COL8A2: variants seen among roughly 807,000 people sequenced by gnomAD.
COL8A2 encodes collagen alpha-2(VIII) chain.
In COL8A2, 16 loss-of-function variants were observed where a neutral mutation model predicts 24.0. The observed-to-expected ratio is 0.67, with a 90% CI of 0.45 to 1.01. The LOEUF is 1.01. COL8A2 is among the 50% of genes least tolerant of loss of function. The pLI is 0.00. For synonymous variants in COL8A2, 466 were observed against 424.5 expected, an observed-to-expected ratio of 1.10 and a Z score of -1.20; for missense variants, 818 against 942.4, an observed-to-expected ratio of 0.87 and a Z score of 1.73.
rs1405349717 is a variant in COL8A2, at chr1:36,096,210, T to G, written c.*1359A>C. On this transcript the variant is annotated 3_prime_UTR_variant, in exon 4 of 4. Coordinates refer to ENST00000397799, the MANE Select transcript of COL8A2 (RefSeq NM_005202.4). Reference sequence around the variant, plus strand: ...GTGGCCATCTTTGCACGAGCAGGAATGTCCACCACTCCCAGCACTCATCTC... The same window carrying G: ...GTGGCCATCTTTGCACGAGCAGGAAGGTCCACCACTCCCAGCACTCATCTC... 1 of 152,318 alleles carries G rather than the reference T, an allele frequency of 6.6e-6. No homozygotes were observed. Among genetic ancestry groups the G allele is most frequent in the Non-Finnish European group, 1.5e-5 (1 of 68,104 alleles). 9.4% of individuals were successfully genotyped at this position (152,318 alleles called of 1,614,324 possible). A position where few individuals can be genotyped will look rare whatever the true frequency, so the allele number is the denominator to read the frequency against.
Position 36,097,244 on chromosome 1 carries a change from C to A in COL8A2, c.*325G>T, listed in dbSNP as rs911346165. 9 of 258,828 alleles carry A rather than the reference C, an allele frequency of 3.5e-5. No homozygotes were observed. Among genetic ancestry groups the A allele is most frequent in the Non-Finnish European group, 6.7e-5 (9 of 134,296 alleles). The allele number at this position is 258,828 out of a possible 1,614,324, so 16.0% of individuals were successfully genotyped here. ...TGGGAAGGGCTGTCTCCCCACGTGGCGGGGTGGGGAGTTGAGCTCCCTCTC... is the reference window on the plus strand; with the variant it reads ...TGGGAAGGGCTGTCTCCCCACGTGGAGGGGTGGGGAGTTGAGCTCCCTCTC... On this transcript the variant is annotated 3_prime_UTR_variant, in exon 4 of 4. Coordinates refer to ENST00000397799, the MANE Select transcript of COL8A2 (RefSeq NM_005202.4).
intron 2 of COL8A2, among the ~76,000 whole-genome samples, chr1:36,104,169 G>C (rs1643721739): frequency 7.5e-6 from 1 of 133,864 alleles, no homozygotes; most frequent in East Asian, 2.0e-4. Flanking sequence ...ACTCCAACCT[G>C]GGCAACAAGA....
At chr1:36,114,180 G>A (rs1481036969) in intron 2 of COL8A2, among the ~76,000 whole-genome samples, 2 of 152,036 alleles carry the variant, frequency 1.3e-5, no homozygotes, top group East Asian at 1.9e-4. Flanking sequence ...TTAGCTGGGC[G>A]TGGTAGAGGG....
intron 2 of COL8A2, among the ~76,000 whole-genome samples, chr1:36,110,960 G>T (rs1446815307): frequency 6.6e-6 from 1 of 152,122 alleles, no homozygotes; most frequent in Non-Finnish European, 1.5e-5. Context: ...ATGACACCCA[G>T]CCCAACTGCC....
chr1:36,106,433 C>T (rs571656684), intron 2 of COL8A2, among the ~76,000 whole-genome samples: 1 of 152,244 alleles, frequency 6.6e-6, no homozygotes, highest in South Asian at 2.1e-4. Flanking sequence ...CCTGCACTGG[C>T]CACCTGAGCT....
Position 36,099,741 on chromosome 1 carries a change from CCT to C in COL8A2, c.194-256_194-255del, listed in dbSNP as rs757253786. On this transcript the variant is annotated intron_variant, in intron 3 of 3. Coordinates refer to ENST00000397799, the MANE Select transcript of COL8A2 (RefSeq NM_005202.4). ...CCTCCATGAGCCTGGCTGATTCTCA[CCT>C]CTCATCCCTGCATGACCTGAAGGTG... 1.1e-4 allele frequency among the ~76,000 whole-genome samples: 16 copies of C among 152,270 alleles called. No individual in the cohort carries two copies. The East Asian group carries it at 1.6e-3, about 15-fold the overall frequency.
intron 1 of COL8A2, among the ~76,000 whole-genome samples, chr1:36,116,937 A>G (rs1241797781): frequency 6.6e-6 from 1 of 152,170 alleles, no homozygotes; most frequent in East Asian, 1.9e-4. Context: ...GGATCTAACA[A>G]AAGTCGTAGT....
chr1:36,098,929 T>G lies in COL8A2; in HGVS notation c.752A>C (p.Lys251Thr). The change falls in exon 4 of 4, where the codon AAG (lysine) becomes ACG (threonine). Residue 251 changes from lysine to threonine, a missense_variant. This residue lies in a region of COL8A2 where 573 missense variants were observed against 616.8 expected (regional missense o/e 0.93). Transcript: ENST00000397799. ...LDGLPGAPGDKGESGPPGVPG... is the reference protein window; with the variant it reads ...LDGLPGAPGDTGESGPPGVPG... ...AACTCCAGGAGGCCCAGACTCACCC[T>G]TGTCTCCTGGGGCCCCAGGAAGCCC... 1 of 1,610,812 alleles carries G rather than the reference T, an allele frequency of 6.2e-7. No homozygotes were observed. The highest frequency in any genetic ancestry group is 1.7e-5 in the Admixed American group (1 of 59,930).
At chr1:36,109,101 C>A (rs555620308) in intron 2 of COL8A2, among the ~76,000 whole-genome samples, 280 of 152,334 alleles carry the variant, frequency 1.8e-3, no homozygotes, top group Non-Finnish European at 2.0e-3. Flanking sequence ...CCAAGCCCCC[C>A]ACCCACCCCA....
In COL8A2 at chr1:36,096,661, C is replaced by T. The variant is rs1189895592; in HGVS notation, c.*908G>A. 6.6e-6 allele frequency: 1 copy of T among 152,354 alleles called. No homozygotes were observed. The highest frequency in any genetic ancestry group is 2.4e-5 in the African/African-American group (1 of 41,444). 9.4% of individuals were successfully genotyped at this position (152,354 alleles called of 1,614,324 possible). A position where few individuals can be genotyped will look rare whatever the true frequency, so the allele number is the denominator to read the frequency against. ...GTATTGAGAAAACCAGCCCAGCCCG[C>T]AGCAGGTGGAAGGGGAGAAAGGGAA... On this transcript the variant is annotated 3_prime_UTR_variant, in exon 4 of 4. Coordinates refer to ENST00000397799, the MANE Select transcript of COL8A2 (RefSeq NM_005202.4).
intron 2 of COL8A2, among the ~76,000 whole-genome samples, chr1:36,103,055 T>C (rs1248810486): frequency 2.0e-5 from 3 of 152,092 alleles, no homozygotes; most frequent in Non-Finnish European, 4.4e-5. Context: ...CAATCATGGC[T>C]CACTGCAGCC....
chr1:36,095,958 AGTT>A lies in COL8A2; in HGVS notation c.*1608_*1610del, dbSNP rs1643556744. ...GCAAACAGCCTGCTTTGTTTGGAGA[AGTT>A]GTGGGCAGGGGAGGAGGGTTGGCAA... is the stretch of plus-strand genomic sequence containing the variant. On this transcript the variant is annotated 3_prime_UTR_variant, in exon 4 of 4. Transcript: ENST00000397799. The A allele has an allele frequency of 6.6e-6, 1 of 152,196 alleles. No individual in the cohort carries two copies. Among genetic ancestry groups the A allele is most frequent in the South Asian group, 2.1e-4 (1 of 4,834 alleles). The allele number at this position is 152,196 out of a possible 1,614,324, so 9.4% of individuals were successfully genotyped here.
chr1:36,122,908 TC>T (rs912302312), intron 1 of COL8A2, among the ~76,000 whole-genome samples: 1 of 151,946 alleles, frequency 6.6e-6, no homozygotes, highest in African/African-American at 2.4e-5. Context: ...CTCCCATTAC[TC>T]ACTGTCCCTG....
chr1:36,106,669 G>T (rs1423708474), intron 2 of COL8A2, among the ~76,000 whole-genome samples: 4 of 151,898 alleles, frequency 2.6e-5, no homozygotes, highest in African/African-American at 7.3e-5. Flanking sequence ...CAGCTGGGAG[G>T]GTGCTCAGGG....
chr1:36,110,361 C>G (rs1643823114), intron 2 of COL8A2, among the ~76,000 whole-genome samples: 1 of 152,084 alleles, frequency 6.6e-6, no homozygotes, highest in Non-Finnish European at 1.5e-5. Context: ...ACCTGGAAGT[C>G]CTCTCTTCAC....
At chr1:36,107,699 C>T (rs1278451299) in intron 2 of COL8A2, among the ~76,000 whole-genome samples, 2 of 152,034 alleles carry the variant, frequency 1.3e-5, no homozygotes, top group Middle Eastern at 3.2e-3. Context: ...AACCGGCAGC[C>T]CAGGGACGAC....
chr1:36,099,305 C>G lies in COL8A2; in HGVS notation c.376G>C (p.Gly126Arg). The G allele has an allele frequency of 6.4e-7, 1 of 1,573,320 alleles. No individual in the cohort carries two copies. Among genetic ancestry groups the G allele is most frequent in the East Asian group, 2.3e-5 (1 of 43,226 alleles). Reference protein sequence around the residue: ...PPGFSRMGKAGPPGLPGKVGP... With the variant: ...PPGFSRMGKARPPGLPGKVGP... Reference sequence around the variant, plus strand: ...ACCTTGCCAGGGAGCCCTGGGGGACCAGCCTTGCCCATCCGGGAGAAGCCA... The same window carrying G: ...ACCTTGCCAGGGAGCCCTGGGGGACGAGCCTTGCCCATCCGGGAGAAGCCA... Residue 126 changes from glycine (G) to arginine (R), a missense_variant, in exon 4 of 4, where the codon GGT becomes CGT. Gly to Arg is a moderately radical substitution (Grantham distance 125). Transcript: ENST00000397799.
chr1:36,124,234 C>A (rs1643934709), intron 1 of COL8A2, among the ~76,000 whole-genome samples: 1 of 152,196 alleles, frequency 6.6e-6, no homozygotes, highest in Non-Finnish European at 1.5e-5. Context: ...CATGGTCTCA[C>A]ACAGGCACAC....
At position 36,097,310 on chromosome 1, in the gene COL8A2, G is replaced by T. The variant is rs1643582897; in HGVS notation, c.*259C>A. The T allele has an allele frequency of 2.1e-6, 1 of 476,076 alleles. No individual in the cohort carries two copies. The highest frequency in any genetic ancestry group is 3.4e-5 in the Admixed American group (1 of 29,424). The allele number at this position is 476,076 out of a possible 1,614,324, so 29.5% of individuals were successfully genotyped here. A position where few individuals can be genotyped will look rare whatever the true frequency, so the allele number is the denominator to read the frequency against. On this transcript the variant is annotated 3_prime_UTR_variant, in exon 4 of 4. Coordinates refer to ENST00000397799, the MANE Select transcript of COL8A2 (RefSeq NM_005202.4). Reference sequence around the variant, plus strand: ...CAGCAGAGGCCAGGACTCACAAGGGGCTGGGCTGTGTGCCTCAGGGCCTAT... The same window carrying T: ...CAGCAGAGGCCAGGACTCACAAGGGTCTGGGCTGTGTGCCTCAGGGCCTAT...
Sources: allele counts gnomAD v4.1 joint callset (sites outside exome capture counted in the v4.1 genomes callset), GRCh38; gene constraint gnomAD v4.1.1; regional missense constraint gnomAD v4.1.1; transcripts MANE v1.5; gene names NCBI Gene and HGNC (gene_info 2026-07-23, HGNC 2026-07-21).